RB1CC1: variants seen among roughly 807,000 people sequenced by gnomAD.
RB1CC1 encodes RB1-inducible coiled-coil protein 1.
A neutral mutation model predicts 177.5 loss-of-function variants in RB1CC1; 46 were observed. The ratio of observed to expected loss-of-function variants is 0.26; its 90% CI spans 0.20 to 0.33. The LOEUF (loss-of-function observed/expected upper bound fraction) is 0.33, where lower values mean the gene tolerates loss of function less well. Among genes scored for constraint, RB1CC1 ranks in the 10% least tolerant of loss-of-function variants. The probability of loss-of-function intolerance (pLI) is 1.00; values close to 1 mark genes in which losing one functional copy is unlikely to be tolerated. For synonymous variants in RB1CC1, 666 were observed against 613.6 expected (o/e 1.09, Z -1.26); for missense variants, 1,703 against 1,816.3 (o/e 0.94, Z 1.13).
In RB1CC1 at chr8:52,674,145, C is replaced by A; in HGVS notation, c.702G>T (p.Met234Ile). 1.9e-6 allele frequency: 3 copies of A among 1,613,994 alleles called. No homozygotes were observed. The highest frequency in any genetic ancestry group is 2.5e-6 in the Non-Finnish European group (3 of 1,179,880). Residue 234 changes from methionine (M) to isoleucine (I), a missense_variant, in exon 7 of 24, where the codon ATG (methionine) becomes ATT (isoleucine). This residue lies in a region of RB1CC1 where 315 missense variants were observed against 304.9 expected (regional missense o/e 1.03). Transcript: ENST00000025008. ...PEHEDSEKAE[M>I]KRSTELVLSP... is the part of the protein sequence containing the mutation. ...AGAGCACCAGTTCAGTGGATCTTTT[C>A]ATCTCAGCTTTTTCTGAGTCTTCAT... is the stretch of plus-strand genomic sequence containing the variant.
intron 18 of RB1CC1, among the ~76,000 whole-genome samples, chr8:52,639,313 C>G (rs1262745008): frequency 6.6e-6 from 1 of 151,992 alleles, no homozygotes; most frequent in Non-Finnish European, 1.5e-5. Flanking sequence ...TTATTGGGAT[C>G]TTTTATACAT....
At chr8:52,651,418 T>G (rs558049416) in intron 15 of RB1CC1, among the ~76,000 whole-genome samples, 1 of 152,362 alleles carries the variant, frequency 6.6e-6, no homozygotes, top group South Asian at 2.1e-4. Context: ...ATAGAGGCCA[T>G]TTGGCCCACA....
intron 1 of RB1CC1, among the ~76,000 whole-genome samples, chr8:52,694,894 T>C (rs2150655958): frequency 6.6e-6 from 1 of 152,348 alleles, no homozygotes; most frequent in African/African-American, 2.4e-5. Context: ...CCACCCATCA[T>C]TTAATTCAAA....
intron 19 of RB1CC1, 86 bp from the exon 20 acceptor site, chr8:52,635,054 C>A (rs886876723): frequency 4.6e-5 from 58 of 1,264,194 alleles, no homozygotes; most frequent in Middle Eastern, 1.9e-4. Flanking sequence ...TTTCATCAGA[C>A]AAAAATGTTT....
At chr8:52,685,002 CTTT>C (rs34656821) in intron 3 of RB1CC1, among the ~76,000 whole-genome samples, 95 of 130,212 alleles carry the variant, frequency 7.3e-4, no homozygotes, top group East Asian at 8.9e-4. Flanking sequence ...ATTATGTGAC[CTTT>C]TTTTTTTTTT....
chr8:52,627,939 A>C (rs2150371565), intron 22 of RB1CC1, 93 bp downstream of exon 22: 1 of 1,162,486 alleles, frequency 8.6e-7, no homozygotes, highest in Non-Finnish European at 1.2e-6. Context: ...TTAGTGACTT[A>C]ATTCTTATGT....
chr8:52,629,142 TGA>T (rs1167364017), intron 21 of RB1CC1, among the ~76,000 whole-genome samples: 1 of 152,074 alleles, frequency 6.6e-6, no homozygotes, highest in African/African-American at 2.4e-5. Flanking sequence ...TTCAAATCAC[TGA>T]GAGAAGCTGA....
chr8:52,623,914 TCTCACA>T, intron 23 of RB1CC1, 55 bp from the exon 24 acceptor site: 1 of 1,127,050 alleles, frequency 8.9e-7, no homozygotes, highest in Non-Finnish European at 1.3e-6. Flanking sequence ...CATCTCTCTC[TCTCACA>T]CACACACACA....
At chr8:52,633,249 G>C (rs1848889547) in intron 20 of RB1CC1, among the ~76,000 whole-genome samples, 3 of 152,142 alleles carry the variant, frequency 2.0e-5, no homozygotes, top group African/African-American at 7.2e-5. Flanking sequence ...TTTCTAAATT[G>C]ATTGAGACCT....
chr8:52,646,489 C>T (rs1850050726), intron 15 of RB1CC1, among the ~76,000 whole-genome samples: 1 of 152,110 alleles, frequency 6.6e-6, no homozygotes, highest in African/African-American at 2.4e-5. Flanking sequence ...TTTGCTATTC[C>T]TATACATGAA....
chr8:52,664,529 A>T (rs1345293670), intron 8 of RB1CC1, among the ~76,000 whole-genome samples: 2 of 152,202 alleles, frequency 1.3e-5, no homozygotes, highest in East Asian at 1.9e-4. Flanking sequence ...ATAGTTTAAA[A>T]CAATAGCAAA....
At chr8:52,695,474 C>A (rs566205606) in intron 1 of RB1CC1, among the ~76,000 whole-genome samples, 1 of 152,306 alleles carries the variant, frequency 6.6e-6, no homozygotes, top group South Asian at 2.1e-4. Flanking sequence ...TCAGTCACGT[C>A]AGTGTAGCAA....
chr8:52,697,021 A>G (rs917109432), intron 1 of RB1CC1, among the ~76,000 whole-genome samples: 3 of 152,004 alleles, frequency 2.0e-5, no homozygotes, highest in Admixed American at 6.6e-5. Context: ...ACAAAACAAA[A>G]CAAAAAAGAT....
intron 6 of RB1CC1, among the ~76,000 whole-genome samples, chr8:52,675,726 A>C (rs1386215624): frequency 2.0e-5 from 3 of 149,666 alleles, no homozygotes; most frequent in African/African-American, 4.9e-5. Context: ...AAAAAAAAAA[A>C]AAAAAAAAAA....
chr8:52,697,615 A>G (rs936193678), intron 1 of RB1CC1, among the ~76,000 whole-genome samples: 21 of 152,218 alleles, frequency 1.4e-4, no homozygotes, highest in Admixed American at 4.6e-4. Flanking sequence ...GAAGGCTGGA[A>G]GGAAAGAACA....
In RB1CC1 at chr8:52,642,611, A is replaced by T. The variant is rs367932530; in HGVS notation, c.4097-20T>A. ...TCAAATCTGAAGGACACCCAAATTT[A>T]AAAAAGTATCATGTAATTAAAAAAA... On this transcript the variant is annotated intron_variant, in intron 17 of 23. Transcript: ENST00000025008. 15 of 1,608,976 alleles carry T rather than the reference A, an allele frequency of 9.3e-6. No individual in the cohort carries two copies. Among genetic ancestry groups the T allele is most frequent in the African/African-American group, 6.7e-5 (5 of 74,550 alleles).
intron 23 of RB1CC1, 59 bp downstream of exon 23, chr8:52,624,658 G>C: frequency 7.8e-7 from 1 of 1,289,084 alleles, no homozygotes; most frequent in Non-Finnish European, 1.1e-6. Flanking sequence ...TCTATATAAA[G>C]CAGTATTAAA....
At chr8:52,700,406 C>G (rs541774782) in intron 1 of RB1CC1, among the ~76,000 whole-genome samples, 16 of 144,754 alleles carry the variant, frequency 1.1e-4, no homozygotes, top group African/African-American at 3.9e-4. Context: ...ACCTGTAGTC[C>G]CAGTTATGGG....
intron 18 of RB1CC1, among the ~76,000 whole-genome samples, chr8:52,641,384 C>CAAAAAAAAAAAAAAAAAAAATA (rs1849568311): frequency 1.0e-5 from 1 of 97,500 alleles, no homozygotes; most frequent in Non-Finnish European, 2.0e-5. Context: ...GACTTCATCT[C>CAAAAAAAAAAAAAAAAAAAATA]AAAAAAAAAA....
Sources: gnomAD v4.1 joint callset for allele counts (sites outside exome capture counted in the v4.1 genomes callset) on GRCh38, gnomAD v4.1.1 for gene constraint, gnomAD v4.1.1 regional missense constraint, MANE v1.5 for transcripts, NCBI Gene and HGNC (gene_info 2026-07-23, HGNC 2026-07-21) for gene names.